ARID4B: variants seen among roughly 807,000 people sequenced by gnomAD.
ARID4B encodes the protein AT-rich interactive domain-containing protein 4B.
Under a neutral mutation model 147.5 loss-of-function variants are expected in ARID4B, and 26 were observed. That is an observed-to-expected ratio of 0.18 (90% CI 0.13 to 0.24). The LOEUF is 0.24. Ranked by LOEUF, ARID4B falls within the 10% of genes least tolerant of loss-of-function variation. ARID4B has a pLI of 1.00. For missense variants in ARID4B, 1,179 were observed against 1,511.5 expected, an observed-to-expected ratio of 0.78 and a Z score of 3.65; for synonymous variants, 512 against 507.9, an observed-to-expected ratio of 1.01 and a Z score of -0.11.
intron 2 of ARID4B, among the ~76,000 whole-genome samples, chr1:235,281,610 T>A (rs1671678120): frequency 6.6e-6 from 1 of 152,010 alleles, no homozygotes; most frequent in African/African-American, 2.4e-5. Context: ...TGGTGGAGGC[T>A]GAGGTAGAAG....
intron 2 of ARID4B, among the ~76,000 whole-genome samples, chr1:235,286,984 G>A (rs2103196837): frequency 6.6e-6 from 1 of 152,348 alleles, no homozygotes; most frequent in Admixed American, 6.5e-5. Context: ...TTTTGGCCAG[G>A]CACTGTGGCT....
intron 6 of ARID4B, among the ~76,000 whole-genome samples, chr1:235,249,593 A>C (rs1010885946): frequency 4.6e-5 from 7 of 151,994 alleles, no homozygotes; most frequent in African/African-American, 1.7e-4. Context: ...CAGGAGATCG[A>C]GACCACCCTG....
intron 2 of ARID4B, among the ~76,000 whole-genome samples, chr1:235,297,153 G>A (rs149576030): frequency 6.6e-6 from 1 of 152,114 alleles, no homozygotes; most frequent in African/African-American, 2.4e-5. Flanking sequence ...AAACCGATGG[G>A]ACAATATTCA....
intron 8 of ARID4B, among the ~76,000 whole-genome samples, chr1:235,234,891 T>A (rs562739378): frequency 6.6e-6 from 1 of 152,252 alleles, no homozygotes; most frequent in African/African-American, 2.4e-5. Flanking sequence ...ATTCTTAGGA[T>A]AAAATCTAAC....
At chr1:235,325,636 T>C (rs575053947) in intron 2 of ARID4B, among the ~76,000 whole-genome samples, 2 of 152,336 alleles carry the variant, frequency 1.3e-5, no homozygotes, top group South Asian at 4.1e-4. Flanking sequence ...ATAAATGCAC[T>C]TTCACCACTG....
intron 16 of ARID4B, among the ~76,000 whole-genome samples, chr1:235,216,209 T>C (rs1466731279): frequency 6.6e-6 from 1 of 152,016 alleles, no homozygotes; most frequent in Non-Finnish European, 1.5e-5. Flanking sequence ...TCAAGATTTA[T>C]TCCTATTTTA....
chr1:235,214,620 T>A (rs1486589633), intron 16 of ARID4B, among the ~76,000 whole-genome samples: 1 of 152,098 alleles, frequency 6.6e-6, no homozygotes, highest in African/African-American at 2.4e-5. Context: ...ACTATTTTAA[T>A]TTAAACAGAA....
chr1:235,197,141 A>T (rs1449462687), intron 17 of ARID4B, among the ~76,000 whole-genome samples: 1 of 152,186 alleles, frequency 6.6e-6, no homozygotes, highest in Non-Finnish European at 1.5e-5. Flanking sequence ...AAAGAATGAC[A>T]GTTTATTCGT....
chr1:235,215,445 TTAA>T (rs1433428835), intron 16 of ARID4B, among the ~76,000 whole-genome samples: 3 of 151,830 alleles, frequency 2.0e-5, no homozygotes, highest in Admixed American at 1.3e-4. Flanking sequence ...GCTTTAAAAA[TTAA>T]TAATATGTAA....
intron 2 of ARID4B, among the ~76,000 whole-genome samples, chr1:235,318,018 A>AAT (rs1338540406): frequency 2.0e-5 from 3 of 152,204 alleles, no homozygotes; most frequent in African/African-American, 4.8e-5. Flanking sequence ...CTTACATACA[A>AAT]ATGCTCATAG....
At chr1:235,196,754 G>A (rs1260426892) in intron 17 of ARID4B, among the ~76,000 whole-genome samples, 1 of 151,058 alleles carries the variant, frequency 6.6e-6, no homozygotes, top group Non-Finnish European at 1.5e-5. Context: ...TCAGGAGGCT[G>A]AGGCAGAAGA....
intron 2 of ARID4B, among the ~76,000 whole-genome samples, chr1:235,282,865 C>T (rs1671748170): frequency 6.6e-6 from 1 of 152,194 alleles, no homozygotes; most frequent in South Asian, 2.1e-4. Flanking sequence ...ACTGCAACCT[C>T]CGCCTACCGG....
chr1:235,281,309 G>A (rs774329209), intron 2 of ARID4B, among the ~76,000 whole-genome samples: 13 of 152,124 alleles, frequency 8.5e-5, no homozygotes, highest in Non-Finnish European at 1.3e-4. Flanking sequence ...TCAGCACTTT[G>A]GGAGGCTGAG....
At chr1:235,261,215 A>C (rs1303341823) in intron 2 of ARID4B, among the ~76,000 whole-genome samples, 1 of 152,146 alleles carries the variant, frequency 6.6e-6, no homozygotes, top group African/African-American at 2.4e-5. Context: ...CTATCTAGAA[A>C]AGTCTAAGGT....
chr1:235,200,003 GAAAA>G (rs61519256), intron 17 of ARID4B, among the ~76,000 whole-genome samples: 1 of 124,534 alleles, frequency 8.0e-6, no homozygotes, highest in Non-Finnish European at 1.7e-5. Context: ...AAAGAATAGG[GAAAA>G]AAAAAAAAAA....
At chr1:235,195,405 C>T (rs528204908) in intron 18 of ARID4B, among the ~76,000 whole-genome samples, 2 of 151,922 alleles carry the variant, frequency 1.3e-5, no homozygotes, top group East Asian at 3.9e-4. Flanking sequence ...CCAGCCTGGC[C>T]AACATGGTGA....
At chr1:235,251,615 GT>G (rs1669650889) in intron 6 of ARID4B, among the ~76,000 whole-genome samples, 1 of 151,818 alleles carries the variant, frequency 6.6e-6, no homozygotes, top group South Asian at 2.1e-4. Flanking sequence ...ATTCCAAATA[GT>G]GTTTAAGTAA....
chr1:235,254,640 A>T lies in ARID4B; in HGVS notation c.274+1020T>A, dbSNP rs1669837265. Among the ~76,000 whole-genome samples the T allele has an allele frequency of 2.6e-5, 4 of 152,116 alleles. No individual in the cohort carries two copies. The South Asian group carries it at 8.3e-4, about 31-fold the overall frequency. ...AAAGCAGAGACAAGAATAAAGCAAC[A>T]GGAGAAATATATTTATAACTGAAGT... On this transcript the variant is annotated intron_variant, in intron 5 of 23. Coordinates refer to ENST00000264183, the MANE Select transcript of ARID4B (RefSeq NM_016374.6).
At chr1:235,188,047 T>C (rs112063089) in intron 19 of ARID4B, among the ~76,000 whole-genome samples, 1 of 152,106 alleles carries the variant, frequency 6.6e-6, no homozygotes, top group Non-Finnish European at 1.5e-5. Context: ...AATGATCCCA[T>C]CTGTAAAAAG....
Sources: gnomAD v4.1 joint callset for allele counts (sites outside exome capture counted in the v4.1 genomes callset) on GRCh38, gnomAD v4.1.1 for gene constraint, MANE v1.5 for transcripts, NCBI Gene and HGNC (gene_info 2026-07-23, HGNC 2026-07-21) for gene names.